The following PRR16 variants were observed in gnomAD, a reference collection of about 807,000 sequenced individuals.
PRR16 encodes the protein protein Largen.
Under a neutral mutation model 18.2 loss-of-function variants are expected in PRR16, and 6 were observed. That is an observed-to-expected ratio of 0.33 (90% CI 0.18 to 0.65). The LOEUF (loss-of-function observed/expected upper bound fraction) is 0.65, where lower values mean the gene tolerates loss of function less well. PRR16 is among the 30% of genes least tolerant of loss of function. The probability of loss-of-function intolerance (pLI) is 0.74; values close to 1 mark genes in which losing one functional copy is unlikely to be tolerated. For missense variants in PRR16, 412 were observed against 376.6 expected, an observed-to-expected ratio of 1.09 and a Z score of -0.78; for synonymous variants, 151 against 147.8, an observed-to-expected ratio of 1.02 and a Z score of -0.16.
At chr5:120,647,433 G>C (rs926627893) in intron 1 of PRR16, among the ~76,000 whole-genome samples, 6 of 151,804 alleles carry the variant, frequency 4.0e-5, no homozygotes, top group African/African-American at 1.4e-4. Context: ...GTATGTAACT[G>C]GGCGACAAAT....
intron 1 of PRR16, among the ~76,000 whole-genome samples, chr5:120,644,301 T>C (rs1210335071): frequency 6.6e-6 from 1 of 152,096 alleles, no homozygotes; most frequent in Non-Finnish European, 1.5e-5. Flanking sequence ...TATAGAATAT[T>C]TGTCCTCTGA....
the PRR16 span, among the ~76,000 whole-genome samples, chr5:120,700,397 C>T: frequency 2.8e-3 from 420 of 151,848 alleles, 4 homozygotes; most frequent in African/African-American, 9.3e-3. Context: ...CATGATCGGT[C>T]GCCAAGGAGG....
Position 120,464,362 on chromosome 5 carries a change from G to A in PRR16, c.-125G>A, listed in dbSNP as rs1749006275. On this transcript the variant is annotated 5_prime_UTR_variant, in exon 1 of 2. Coordinates refer to ENST00000407149, the MANE Select transcript of PRR16 (RefSeq NM_001300783.2). ...GCGCGGAGCGCAGCCACTCGCCGCT[G>A]CCCAGGGAGCGCCCAAGATGTGGGG... 1 of 1,122,352 alleles carries A rather than the reference G, an allele frequency of 8.9e-7. No homozygotes were observed. The highest frequency in any genetic ancestry group is 2.9e-5 in the East Asian group (1 of 34,046). 69.5% of individuals were successfully genotyped at this position (1,122,352 alleles called of 1,614,324 possible).
intron 1 of PRR16, among the ~76,000 whole-genome samples, chr5:120,542,504 C>G (rs1050349119): frequency 6.6e-6 from 1 of 152,232 alleles, no homozygotes; most frequent in East Asian, 1.9e-4. Context: ...ACTCCAAACT[C>G]TATTTGGAAT....
the PRR16 span, among the ~76,000 whole-genome samples, chr5:120,733,310 C>G: frequency 6.6e-6 from 1 of 151,856 alleles, no homozygotes; most frequent in Non-Finnish European, 1.5e-5. Flanking sequence ...GCCATCATGC[C>G]CATTAAGTTT....
chr5:120,679,430 C>A (rs1295511019), intron 1 of PRR16, among the ~76,000 whole-genome samples: 1 of 152,008 alleles, frequency 6.6e-6, no homozygotes, highest in African/African-American at 2.4e-5. Flanking sequence ...TCTTTAGGTG[C>A]AATTTCATAC....
At chr5:120,684,863 T>C (rs906325624) in intron 1 of PRR16, among the ~76,000 whole-genome samples, 5 of 152,216 alleles carry the variant, frequency 3.3e-5, no homozygotes, top group Non-Finnish European at 7.3e-5. Flanking sequence ...CCTCTCTCCT[T>C]AACGTGGGTT....
chr5:120,761,870 C>T, the PRR16 span, among the ~76,000 whole-genome samples: 63 of 152,186 alleles, frequency 4.1e-4, no homozygotes, highest in East Asian at 0.01. Context: ...ATTTACCTCC[C>T]CCCAAAAACA....
the PRR16 span, among the ~76,000 whole-genome samples, chr5:120,704,549 G>T: frequency 6.6e-6 from 1 of 152,108 alleles, no homozygotes; most frequent in Admixed American, 6.6e-5. Context: ...ATGTACTCAA[G>T]AGTATTTTAA....
At chr5:120,521,586 A>G (rs1231371666) in intron 1 of PRR16, among the ~76,000 whole-genome samples, 1 of 152,140 alleles carries the variant, frequency 6.6e-6, no homozygotes, top group African/African-American at 2.4e-5. Flanking sequence ...AACATTGTGC[A>G]ATGATCAAAT....
intron 1 of PRR16, among the ~76,000 whole-genome samples, chr5:120,667,704 C>T (rs1341933042): frequency 6.6e-6 from 1 of 151,856 alleles, no homozygotes; most frequent in Non-Finnish European, 1.5e-5. Context: ...GCCTTCATTT[C>T]ATTATGTACC....
In PRR16 at chr5:120,476,694, C is replaced by G. The variant is rs1033826025; in HGVS notation, c.159+12049C>G. ...ACCTCTCATATACCATCATTGTTTT[C>G]TCTCTCCCCTAAATGATTCCTGCCA... On this transcript the variant is annotated intron_variant, in intron 1 of 1. Coordinates refer to ENST00000407149, the MANE Select transcript of PRR16 (RefSeq NM_001300783.2). Among the ~76,000 whole-genome samples, 8 of 152,140 alleles carry G rather than the reference C, an allele frequency of 5.3e-5. No individual in the cohort carries two copies. The East Asian group carries it at 1.5e-3, about 29-fold the overall frequency.
chr5:120,516,377 A>G (rs1251536715), intron 1 of PRR16, among the ~76,000 whole-genome samples: 1 of 151,056 alleles, frequency 6.6e-6, no homozygotes, highest in Non-Finnish European at 1.5e-5. Flanking sequence ...ATGAGCCGAA[A>G]TCACACACTG....
chr5:120,519,738 T>TA lies in PRR16; in HGVS notation c.159+55100dup, dbSNP rs201140293. ...CAATGAAAGAGCAGCTTTTATTTTT[T>TA]AAAAAAATAGAAATTAAGAGAAAAG... is the stretch of plus-strand genomic sequence containing the variant. On this transcript the variant is annotated intron_variant, in intron 1 of 1. Coordinates refer to ENST00000407149, the MANE Select transcript of PRR16 (RefSeq NM_001300783.2). Among the ~76,000 whole-genome samples, 1,226 of 152,172 alleles carry TA rather than the reference T, an allele frequency of 8.1e-3. 7 individuals carry two copies. The highest frequency in any genetic ancestry group is 0.013 in the Non-Finnish European group (890 of 67,992).
At chr5:120,605,654 C>A (rs1237797873) in intron 1 of PRR16, among the ~76,000 whole-genome samples, 1 of 152,128 alleles carries the variant, frequency 6.6e-6, no homozygotes, top group Non-Finnish European at 1.5e-5. Context: ...ACTGATCTAC[C>A]TTTAATCTTT....
At chr5:120,558,849 GAT>G (rs887285502) in intron 1 of PRR16, among the ~76,000 whole-genome samples, 1 of 151,878 alleles carries the variant, frequency 6.6e-6, no homozygotes, top group African/African-American at 2.4e-5. Flanking sequence ...CAACTAGAGA[GAT>G]TATATTCCAC....
At chr5:120,723,410 A>G in the PRR16 span, among the ~76,000 whole-genome samples, 1 of 152,020 alleles carries the variant, frequency 6.6e-6, no homozygotes, top group Non-Finnish European at 1.5e-5. Flanking sequence ...GAAAATTCTT[A>G]TGCTGTCTAT....
intron 1 of PRR16, among the ~76,000 whole-genome samples, chr5:120,527,962 A>T (rs1751424335): frequency 6.6e-6 from 1 of 152,216 alleles, no homozygotes; most frequent in African/African-American, 2.4e-5. Flanking sequence ...AAATCCACAG[A>T]TATTCCCCAG....
At chr5:120,671,391 C>A (rs1756599104) in intron 1 of PRR16, among the ~76,000 whole-genome samples, 1 of 152,078 alleles carries the variant, frequency 6.6e-6, no homozygotes, top group South Asian at 2.1e-4. Flanking sequence ...ATACATCCTA[C>A]CATCTTACCT....
Sources: allele counts gnomAD v4.1 joint callset (sites outside exome capture counted in the v4.1 genomes callset), GRCh38; gene constraint gnomAD v4.1.1; transcripts MANE v1.5; gene names NCBI Gene and HGNC (gene_info 2026-07-23, HGNC 2026-07-21).